The following CFAP46 variants were observed in gnomAD, a reference collection of about 807,000 sequenced individuals.
CFAP46 encodes the protein cilia- and flagella-associated protein 46.
Under a neutral mutation model 325.7 loss-of-function variants are expected in CFAP46, and 245 were observed. That is an observed-to-expected ratio of 0.75 (90% CI 0.68 to 0.84). CFAP46 has a LOEUF of 0.84. CFAP46 is among the 40% of genes least tolerant of loss of function. The pLI is 0.00. For synonymous variants in CFAP46, 1,523 were observed against 1,495.9 expected (o/e 1.02, Z -0.42); for missense variants, 3,346 against 3,543.0 (o/e 0.94, Z 1.41).
rs181042255 is a variant in CFAP46, at chr10:132,862,048, C to T, written c.4891-1066G>A. 8.7e-4 allele frequency among the ~76,000 whole-genome samples: 132 copies of T among 152,388 alleles called. 2 individuals are homozygous for T. The highest frequency in any genetic ancestry group is 3.1e-4 in the Non-Finnish European group (21 of 68,038). ...CCACCTGGACGCCACAGCCTGCATG[C>T]ACCTGGGCATGGCTGTGACCGCCAG... On this transcript the variant is annotated intron_variant, in intron 35 of 57. Coordinates refer to ENST00000368586, the MANE Select transcript of CFAP46 (RefSeq NM_001200049.3).
chr10:132,895,489 G>C (rs1474709697), intron 24 of CFAP46, among the ~76,000 whole-genome samples: 1 of 152,180 alleles, frequency 6.6e-6, no homozygotes, highest in East Asian at 1.9e-4. Flanking sequence ...TGAGAAGGCA[G>C]CCAGGCTGTG....
At chr10:132,813,013 T>G in intron 54 of CFAP46, 116 bp from the exon 55 acceptor site, 1 of 715,810 alleles carries the variant, frequency 1.4e-6, no homozygotes, top group Middle Eastern at 3.0e-4. Flanking sequence ...ATTTGTGCAT[T>G]AAACTGAACT....
At chr10:132,829,949 T>C (rs1848122014) in intron 50 of CFAP46, among the ~76,000 whole-genome samples, 1 of 152,154 alleles carries the variant, frequency 6.6e-6, no homozygotes, top group Admixed American at 6.5e-5. Context: ...AAGAATGTTA[T>C]TAGCATCTAT....
chr10:132,926,143 G>A (rs866237422), intron 10 of CFAP46, among the ~76,000 whole-genome samples: 9 of 152,362 alleles, frequency 5.9e-5, no homozygotes, highest in African/African-American at 1.2e-4. Context: ...GGCACCTGAC[G>A]CCAGGGCCGG....
chr10:132,836,363 C>A, intron 45 of CFAP46, 145 bp from the exon 46 acceptor site: 1 of 713,722 alleles, frequency 1.4e-6, no homozygotes, highest in East Asian at 2.7e-5. Context: ...GTGTGCGCCT[C>A]CAGGGGCACC....
rs1848809503 is a variant in CFAP46 at position 132,866,120 on chromosome 10, G to A, written c.4795C>T (p.Pro1599Ser). ...TGRDLDGTSF[P>S]HLWMLKAEVL... ...TCTGCCTTCAGCATCCACAGGTGGG[G>A]AAAGGACGTCCCATCCAGGTCCCTC... Residue 1599 changes from proline (P) to serine (S), a missense_variant, in exon 35 of 58, where the codon CCC becomes TCC. Physicochemically the swap from Pro to Ser is moderately conservative, Grantham distance 74. Transcript: ENST00000368586. The A allele has an allele frequency of 1.9e-6, 3 of 1,544,982 alleles. No individual in the cohort carries two copies. Among genetic ancestry groups the A allele is most frequent in the Admixed American group, 2.0e-5 (1 of 50,322 alleles).
chr10:132,912,696 G>C lies in CFAP46; in HGVS notation c.2458C>G (p.Leu820Val). 1.3e-6 allele frequency: 2 copies of C among 1,549,806 alleles called. No homozygotes were observed. The highest frequency in any genetic ancestry group is 1.7e-6 in the Non-Finnish European group (2 of 1,146,922). ...FMRPNAFHSPLDAGATSEIKT... is the reference protein window; with the variant it reads ...FMRPNAFHSPVDAGATSEIKT... The stretch of plus-strand genomic sequence containing the variant: ...ATCTCGGAAGTGGCTCCTGCGTCCA[G>C]TGGGCTGTGAAACGCGTTTGGTCGC... Residue 820 changes from leucine to valine, a missense_variant, in exon 19 of 58, where the codon CTG becomes GTG. Transcript: ENST00000368586.
intron 8 of CFAP46, among the ~76,000 whole-genome samples, chr10:132,930,976 TCCCTACAC>T (rs1849889510): frequency 8.7e-6 from 1 of 114,942 alleles, no homozygotes; most frequent in Non-Finnish European, 1.7e-5. Flanking sequence ...AGCCTGGGCC[TCCCTACAC>T]TCCCCACACA....
Position 132,889,114 on chromosome 10 carries a change from G to A in CFAP46, c.3305-3155C>T, listed in dbSNP as rs578172319. ...GAAAGACAAACCCCTTTCTCCCAGC[G>A]CCCTCCCCCAGCACTCTGCAGGCCA... On this transcript the variant is annotated intron_variant, in intron 25 of 57. Coordinates refer to ENST00000368586, the MANE Select transcript of CFAP46 (RefSeq NM_001200049.3). The surrounding 1 kb of genome is among the most constrained non-coding windows in gnomAD (Gnocchi z 6.0). Among the ~76,000 whole-genome samples, 14 of 152,180 alleles carry A rather than the reference G, an allele frequency of 9.2e-5. No homozygotes were observed. The highest frequency in any genetic ancestry group is 5.9e-4 in the Admixed American group (9 of 15,290).
At position 132,877,037 on chromosome 10, in the gene CFAP46, G is replaced by A; in HGVS notation, c.4213-76C>T. ...CAGACACCCCCGGCCCACCGGCATG[G>A]CTGTGCAGCATTCAGGCCACAGCCC... On this transcript the variant is annotated intron_variant, in intron 30 of 57. Transcript: ENST00000368586. This position sits in a 1 kb window ranked among gnomAD's most constrained non-coding sequence, Gnocchi z 5.7. 1 of 1,457,252 alleles carries A rather than the reference G, an allele frequency of 6.9e-7. No homozygotes were observed. Among genetic ancestry groups the A allele is most frequent in the East Asian group, 2.5e-5 (1 of 40,364 alleles). 90.3% of individuals were successfully genotyped at this position (1,457,252 alleles called of 1,614,324 possible). A position where few individuals can be genotyped will look rare whatever the true frequency, so the allele number is the denominator to read the frequency against.
At chr10:132,931,594 GCC>G in intron 8 of CFAP46, among the ~76,000 whole-genome samples, 1 of 130,354 alleles carries the variant, frequency 7.7e-6, no homozygotes, top group African/African-American at 3.0e-5. Flanking sequence ...CAGAGCCTGG[GCC>G]TTCCCCATAC....
At chr10:132,895,348 C>T (rs542462222) in intron 24 of CFAP46, among the ~76,000 whole-genome samples, 3 of 152,208 alleles carry the variant, frequency 2.0e-5, no homozygotes, top group African/African-American at 7.2e-5. Flanking sequence ...CCACAGCTCA[C>T]GTCACATGCA....
At chr10:132,882,259 T>C (rs1388320368) in intron 27 of CFAP46, among the ~76,000 whole-genome samples, 1 of 150,030 alleles carries the variant, frequency 6.7e-6, no homozygotes, top group African/African-American at 2.5e-5. Context: ...GTGTGAGTTG[T>C]GTGTGGGGGT....
chr10:132,931,152 C>G (rs1394171910), intron 8 of CFAP46, among the ~76,000 whole-genome samples: 2 of 89,624 alleles, frequency 2.2e-5, no homozygotes, highest in East Asian at 8.1e-4. Context: ...GAGCCTGGAC[C>G]TTCCTCCTCG....
At chr10:132,913,812 G>A (rs1347050502) in intron 17 of CFAP46, among the ~76,000 whole-genome samples, 1 of 103,746 alleles carries the variant, frequency 9.6e-6, no homozygotes, top group Non-Finnish European at 1.8e-5. Flanking sequence ...GCATGGGGCA[G>A]AGCGTCTCTG....
rs1849690522 is a variant in CFAP46 at position 132,919,611 on chromosome 10, C to T, written c.1731-169G>A. 6.6e-6 allele frequency among the ~76,000 whole-genome samples: 1 copy of T among 152,102 alleles called. No homozygotes were observed. Among genetic ancestry groups the T allele is most frequent in the African/African-American group, 2.4e-5 (1 of 41,430 alleles). ...GGTACGGCCTGGCGGGTGCATGTCC[C>T]AGGGTCGGGCGCAGCTCTCCGCTCT... On this transcript the variant is annotated intron_variant, in intron 14 of 57. Coordinates refer to ENST00000368586, the MANE Select transcript of CFAP46 (RefSeq NM_001200049.3). This position sits in a 1 kb window ranked among gnomAD's most constrained non-coding sequence, Gnocchi z 9.7.
At position 132,882,429 on chromosome 10, in the gene CFAP46, G is replaced by A. The variant is rs1254659401; in HGVS notation, c.3628-1397C>T. ...GTGTCCATGGGTCTAGGTGCAAGGT[G>A]TGGGTTTGTTGTGGATGTCGGGTGT... On this transcript the variant is annotated intron_variant, in intron 27 of 57. Coordinates refer to ENST00000368586, the MANE Select transcript of CFAP46 (RefSeq NM_001200049.3). Among the ~76,000 whole-genome samples, 6 of 151,882 alleles carry A rather than the reference G, an allele frequency of 4.0e-5. No individual in the cohort carries two copies. In the South Asian group the frequency reaches 1.0e-3, roughly 26 times the overall value.
At position 132,850,279 on chromosome 10, in the gene CFAP46, C is replaced by T; in HGVS notation, c.5917G>A (p.Val1973Met). 6.4e-7 allele frequency: 1 copy of T among 1,550,838 alleles called. No homozygotes were observed. The highest frequency in any genetic ancestry group is 2.4e-5 in the East Asian group (1 of 40,942). The change falls in exon 41 of 58, where the codon GTG becomes ATG. Residue 1973 changes from valine to methionine, a missense_variant. Transcript: ENST00000368586. ...LHLLAMQADP[V>M]HPTCYWEAGP... ...GCCTCCCAGTAGCAGGTAGGGTGCA[C>T]AGGGTCAGCTTGCATGGCCAGCAGG...
intron 17 of CFAP46, 138 bp downstream of exon 17, chr10:132,916,411 G>T: frequency 1.1e-6 from 1 of 939,804 alleles, no homozygotes; most frequent in Non-Finnish European, 1.5e-6. Flanking sequence ...TTTACGTGAC[G>T]ATGGACACGT....
Sources: allele counts gnomAD v4.1 joint callset (sites outside exome capture counted in the v4.1 genomes callset), GRCh38; gene constraint gnomAD v4.1.1; non-coding constraint Gnocchi (gnomAD v3.1); transcripts MANE v1.5; gene names NCBI Gene and HGNC (gene_info 2026-07-23, HGNC 2026-07-21).